The following UBN2 variants were observed in gnomAD, a reference collection of about 807,000 sequenced individuals.
UBN2 encodes ubinuclein 2.
A neutral mutation model predicts 120.2 loss-of-function variants in UBN2; 35 were observed. The observed-to-expected ratio is 0.29, with a 90% CI of 0.22 to 0.39. The LOEUF is 0.39. Among genes scored for constraint, UBN2 ranks in the 10% least tolerant of loss-of-function variants. The pLI is 1.00. For missense variants in UBN2, 1,693 were observed against 1,663.2 expected, an observed-to-expected ratio of 1.02 and a Z score of -0.31; for synonymous variants, 661 against 648.7, an observed-to-expected ratio of 1.02 and a Z score of -0.29.
At chr7:139,233,221 T>C (rs1796075711) in intron 1 of UBN2, among the ~76,000 whole-genome samples, 1 of 152,216 alleles carries the variant, frequency 6.6e-6, no homozygotes, top group African/African-American at 2.4e-5. Flanking sequence ...ATGAATTGTT[T>C]AAAGGTAGAG....
intron 17 of UBN2, 65 bp downstream of exon 17, chr7:139,294,046 T>C (rs1798040232): frequency 6.6e-7 from 1 of 1,507,716 alleles, no homozygotes; most frequent in South Asian, 1.1e-5. Flanking sequence ...GATTATACTT[T>C]TCTGAAAACA....
chr7:139,322,274 G>C, the UBN2 span, among the ~76,000 whole-genome samples: 26,817 of 152,052 alleles, frequency 0.18, 2,662 homozygotes, highest in Admixed American at 0.32. Flanking sequence ...ATGCACAGCG[G>C]AGACTATTTT....
intron 6 of UBN2, among the ~76,000 whole-genome samples, chr7:139,264,940 C>G (rs1030507963): frequency 1.3e-5 from 2 of 152,074 alleles, no homozygotes; most frequent in Non-Finnish European, 2.9e-5. Context: ...GGGTACATGT[C>G]ATAATTTGAT....
At chr7:139,258,279 C>T (rs999634864) in intron 3 of UBN2, among the ~76,000 whole-genome samples, 2 of 152,012 alleles carry the variant, frequency 1.3e-5, no homozygotes, top group Non-Finnish European at 2.9e-5. Flanking sequence ...TTTATTATTT[C>T]AGAAGTTTTT....
At position 139,266,356 on chromosome 7, in the gene UBN2, A is replaced by G; in HGVS notation, c.1419A>G (p.Glu473=). The G allele has an allele frequency of 6.3e-7, 1 of 1,583,176 alleles. No homozygotes were observed. The highest frequency in any genetic ancestry group is 8.6e-7 in the Non-Finnish European group (1 of 1,159,162). ...LRVAAKLFDE[E]GRKKFFTQDM... is the part of the protein sequence containing the mutation. ...AGGCTGCCAAACTTTTTGATGAAGAAGGAAGGAAAAAATTCTTTACACAGG... is the reference window on the plus strand; with the variant it reads ...AGGCTGCCAAACTTTTTGATGAAGAGGGAAGGAAAAAATTCTTTACACAGG... Residue 473 remains glutamate (E), a synonymous_variant, in exon 7 of 18, where the codon GAA becomes GAG. Transcript: ENST00000473989.
At chr7:139,275,985 G>T (rs1797431505) in intron 11 of UBN2, 112 bp from the exon 12 acceptor site, 3 of 790,870 alleles carry the variant, frequency 3.8e-6, no homozygotes, top group Admixed American at 5.2e-5. Context: ...ACTTTTACTT[G>T]GTAAATAAGC....
downstream of UBN2, among the ~76,000 whole-genome samples, chr7:139,309,335 G>C (rs1263429407): frequency 2.0e-5 from 3 of 152,164 alleles, no homozygotes; most frequent in African/African-American, 7.2e-5. Flanking sequence ...AGTTAAAAAA[G>C]ACATGGACCT....
chr7:139,326,888 T>C, the UBN2 span, among the ~76,000 whole-genome samples: 7 of 152,212 alleles, frequency 4.6e-5, no homozygotes, highest in Admixed American at 3.9e-4. Context: ...GGGATTGTTT[T>C]CACTGAACCA....
intron 6 of UBN2, 103 bp from the exon 7 acceptor site, chr7:139,266,230 A>C: frequency 3.7e-6 from 2 of 538,534 alleles, no homozygotes; most frequent in South Asian, 6.0e-5. Context: ...CTATCTCAAA[A>C]AAAAAAAAAA....
Position 139,283,823 on chromosome 7 carries a change from C to T in UBN2, c.2918C>T (p.Thr973Ile). 1.9e-6 allele frequency: 3 copies of T among 1,614,160 alleles called. No individual in the cohort carries two copies. The highest frequency in any genetic ancestry group is 2.5e-6 in the Non-Finnish European group (3 of 1,180,024). The change falls in exon 15 of 18, where the codon ACT (threonine) becomes ATT (isoleucine). Residue 973 changes from threonine to isoleucine, a missense_variant. Around this residue, in one of 5 missense-constraint regions of UBN2, gnomAD observed 837 missense variants for 817.6 expected, o/e 1.02. Coordinates refer to ENST00000473989, the MANE Select transcript of UBN2 (RefSeq NM_173569.4). ...QLSCSSSLIK[T>I]SDKPLMYRLP... ...TCCTGTTCCTCCTCACTTATTAAGA[C>T]TTCAGATAAGCCACTTATGTACCGC... is the stretch of plus-strand genomic sequence containing the variant.
chr7:139,302,850 G>C lies in UBN2; in HGVS notation c.*5014G>C, dbSNP rs1239854532. Reference sequence around the variant, plus strand: ...ACTTAGTGAATCATTGACTATTCTTGGATATAACCCACTTTTCTGTGCTCT... The same window carrying C: ...ACTTAGTGAATCATTGACTATTCTTCGATATAACCCACTTTTCTGTGCTCT... On this transcript the variant is annotated 3_prime_UTR_variant, in exon 18 of 18. Coordinates refer to ENST00000473989, the MANE Select transcript of UBN2 (RefSeq NM_173569.4). 1 of 151,604 alleles carries C rather than the reference G, an allele frequency of 6.6e-6. No homozygotes were observed. Among genetic ancestry groups the C allele is most frequent in the Non-Finnish European group, 1.5e-5 (1 of 67,936 alleles). 9.4% of individuals were successfully genotyped at this position (151,604 alleles called of 1,614,324 possible).
At chr7:139,317,421 CT>C in the UBN2 span, among the ~76,000 whole-genome samples, 1 of 150,410 alleles carries the variant, frequency 6.6e-6, no homozygotes, top group Admixed American at 6.6e-5. Context: ...CACGTTTTTT[CT>C]TTTTTTTTGG....
Position 139,279,681 on chromosome 7 carries a change from A to C in UBN2, c.2067+321A>C, listed in dbSNP as rs931972029. On this transcript the variant is annotated intron_variant, in intron 13 of 17. Coordinates refer to ENST00000473989, the MANE Select transcript of UBN2 (RefSeq NM_173569.4). ...AAATTCATAAGACCAGAAACAAAAA[A>C]GGAGCTGACAGTGTTAATCTGTCGC... is the stretch of plus-strand genomic sequence containing the variant. Among the ~76,000 whole-genome samples, 5 of 152,226 alleles carry C rather than the reference A, an allele frequency of 3.3e-5. 1 individual carries two copies. The highest frequency in any genetic ancestry group is 2.6e-4 in the Admixed American group (4 of 15,284).
chr7:139,234,781 A>G (rs1208981207), intron 1 of UBN2, among the ~76,000 whole-genome samples: 1 of 152,238 alleles, frequency 6.6e-6, no homozygotes, highest in East Asian at 1.9e-4. Context: ...AAAATAAGTG[A>G]TTAAGTGTGT....
At position 139,299,024 on chromosome 7, in the gene UBN2, G is replaced by A. The variant is rs1798189583; in HGVS notation, c.*1188G>A. On this transcript the variant is annotated 3_prime_UTR_variant, in exon 18 of 18. Transcript: ENST00000473989. ...TAGTGAAATTGTTTGGAGCATTTGA[G>A]ATCCTAAAGCTTCACTATTTACTCA... is the stretch of plus-strand genomic sequence containing the variant. 1 of 152,142 alleles carries A rather than the reference G, an allele frequency of 6.6e-6. No homozygotes were observed. The highest frequency in any genetic ancestry group is 1.5e-5 in the Non-Finnish European group (1 of 68,012). The allele number at this position is 152,142 out of a possible 1,614,324, so 9.4% of individuals were successfully genotyped here.
At chr7:139,264,167 A>T (rs1341420164) in intron 6 of UBN2, among the ~76,000 whole-genome samples, 1 of 152,186 alleles carries the variant, frequency 6.6e-6, no homozygotes, top group Admixed American at 6.5e-5. Context: ...GTGACCTTTT[A>T]AAAAAATCGT....
chr7:139,286,842 A>G (rs986490025), intron 15 of UBN2, among the ~76,000 whole-genome samples: 2 of 152,176 alleles, frequency 1.3e-5, no homozygotes, highest in African/African-American at 4.8e-5. Flanking sequence ...TGTTCAATAT[A>G]GTCTAAGGGT....
At chr7:139,234,187 A>G (rs1186249113) in intron 1 of UBN2, among the ~76,000 whole-genome samples, 9 of 152,122 alleles carry the variant, frequency 5.9e-5, no homozygotes, top group Non-Finnish European at 1.3e-4. Flanking sequence ...TGGTTCCCAA[A>G]ATTAGAAGAA....
At chr7:139,269,595 C>A in intron 8 of UBN2, 72 bp downstream of exon 8, 1 of 1,502,926 alleles carries the variant, frequency 6.7e-7, no homozygotes, top group Non-Finnish European at 9.1e-7. Flanking sequence ...CTGTTTGGGG[C>A]CTTTGCACAT....
Sources: allele counts gnomAD v4.1 joint callset (sites outside exome capture counted in the v4.1 genomes callset), GRCh38; gene constraint gnomAD v4.1.1; regional missense constraint gnomAD v4.1.1; transcripts MANE v1.5; gene names NCBI Gene and HGNC (gene_info 2026-07-23, HGNC 2026-07-21).